TIAM1: variants seen among roughly 807,000 people sequenced by gnomAD.
The protein encoded by TIAM1 is rho guanine nucleotide exchange factor TIAM1.
Under a neutral mutation model 163.5 loss-of-function variants are expected in TIAM1, and 65 were observed. The ratio of observed to expected loss-of-function variants is 0.40; its 90% CI spans 0.33 to 0.49. TIAM1 has a LOEUF of 0.49. TIAM1 is among the 20% of genes least tolerant of loss of function. TIAM1 has a pLI of 0.77. For missense variants in TIAM1, 1,789 were observed against 2,044.7 expected, an observed-to-expected ratio of 0.87 and a Z score of 2.41; for synonymous variants, 833 against 810.1, an observed-to-expected ratio of 1.03 and a Z score of -0.48.
intron 1 of TIAM1, among the ~76,000 whole-genome samples, chr21:31,471,945 G>A (rs899016050): frequency 4.0e-5 from 6 of 149,074 alleles, no homozygotes; most frequent in African/African-American, 5.0e-5. Flanking sequence ...TGAGAGGGGC[G>A]GGAGCCTTGA....
intron 1 of TIAM1, among the ~76,000 whole-genome samples, chr21:31,477,240 C>A (rs554667046): frequency 6.6e-6 from 1 of 152,172 alleles, no homozygotes; most frequent in Non-Finnish European, 1.5e-5. Context: ...CAAGCGTAAT[C>A]ATAATTGGGC....
At chr21:31,331,865 T>C (rs1383253720) in intron 2 of TIAM1, among the ~76,000 whole-genome samples, 4 of 152,192 alleles carry the variant, frequency 2.6e-5, no homozygotes, top group African/African-American at 9.6e-5. Context: ...CACATTTCAA[T>C]ACCAACTTCA....
chr21:31,190,907 C>T (rs1289981189), intron 13 of TIAM1, among the ~76,000 whole-genome samples: 3 of 152,162 alleles, frequency 2.0e-5, no homozygotes, highest in African/African-American at 7.2e-5. Context: ...TGTGTTTGTG[C>T]CGGCAGCTTT....
intron 2 of TIAM1, among the ~76,000 whole-genome samples, chr21:31,460,631 C>T (rs1253865015): frequency 1.3e-5 from 2 of 151,982 alleles, no homozygotes; most frequent in African/African-American, 4.8e-5. Context: ...GTCTCAAAAA[C>T]AAAAATGAAA....
chr21:31,135,813 G>A lies in TIAM1; in HGVS notation c.3883+120C>T, dbSNP rs150235942. On this transcript the variant is annotated intron_variant, in intron 23 of 27. Transcript: ENST00000541036. ...TGTTGGTGGCTACGGCAGGAAGACC[G>A]ATTCAAGTAACTGCAATTAACTTTA... The A allele has an allele frequency of 1.0e-3, 903 of 882,802 alleles. 9 individuals carry two copies. In the African/African-American group the frequency reaches 0.013, roughly 13 times the overall value. The allele number at this position is 882,802 out of a possible 1,614,324, so 54.7% of individuals were successfully genotyped here.
chr21:31,178,303 C>CTTTTTTTTTTTTTT, intron 15 of TIAM1, among the ~76,000 whole-genome samples: 1 of 96,096 alleles, frequency 1.0e-5, no homozygotes, highest in Non-Finnish European at 1.9e-5. Flanking sequence ...TTCAGGAATT[C>CTTTTTTTTTTTTTT]TTTTTTTTTT....
chr21:31,439,539 G>A lies in TIAM1; in HGVS notation c.-369+24444C>T, dbSNP rs373877567. 1.3e-4 allele frequency among the ~76,000 whole-genome samples: 20 copies of A among 152,224 alleles called. No homozygotes were observed. In the East Asian group the frequency reaches 2.1e-3, roughly 16 times the overall value. ...TCCTGACCTCAAGTAATTCACCCGC[G>A]TTGGCCTCCCAAAGTGCTGGCATTA... On this transcript the variant is annotated intron_variant, in intron 2 of 28. Transcript: ENST00000286827.
chr21:31,185,597 C>A (rs2085263024), intron 14 of TIAM1, among the ~76,000 whole-genome samples: 1 of 138,598 alleles, frequency 7.2e-6, no homozygotes, highest in African/African-American at 2.7e-5. Flanking sequence ...TATTATATAT[C>A]ATATAGCTAT....
chr21:31,274,204 G>A (rs1422742228), intron 3 of TIAM1, among the ~76,000 whole-genome samples: 2 of 150,770 alleles, frequency 1.3e-5, no homozygotes, highest in African/African-American at 5.0e-5. Flanking sequence ...AATAGTGCGA[G>A]ACTCCTTCTC....
intron 4 of TIAM1, among the ~76,000 whole-genome samples, chr21:31,257,715 C>T (rs1370326439): frequency 6.6e-6 from 1 of 152,116 alleles, no homozygotes; most frequent in Admixed American, 6.6e-5. Flanking sequence ...CCCGGTGTCC[C>T]GCGTTAAAAC....
At position 31,483,004 on chromosome 21, in the gene TIAM1, GC is replaced by G. The variant is rs561790079; in HGVS notation, c.-421-18970del. The stretch of plus-strand genomic sequence containing the variant: ...GATACAGAGGCTCAGACACTAAGCA[GC>G]CTGCCCCAGGTCACACAGCTGGTAA... On this transcript the variant is annotated intron_variant, in intron 1 of 28. Transcript: ENST00000286827. Among the ~76,000 whole-genome samples the G allele has an allele frequency of 3.2e-3, 490 of 152,258 alleles. 2 individuals are homozygous for G. The highest frequency in any genetic ancestry group is 5.4e-3 in the Non-Finnish European group (365 of 68,030).
intron 2 of TIAM1, among the ~76,000 whole-genome samples, chr21:31,448,814 T>C (rs2044722710): frequency 6.6e-6 from 1 of 152,094 alleles, no homozygotes; most frequent in South Asian, 2.1e-4. Flanking sequence ...ATTATAGGCA[T>C]GGGTTTCGGG....
intron 2 of TIAM1, among the ~76,000 whole-genome samples, chr21:31,298,957 A>T (rs2074400261): frequency 6.6e-6 from 1 of 152,150 alleles, no homozygotes; most frequent in Admixed American, 6.6e-5. Flanking sequence ...GTGTTAAATA[A>T]ATGTTATCGG....
intron 2 of TIAM1, among the ~76,000 whole-genome samples, chr21:31,447,065 T>C (rs2044652060): frequency 6.6e-6 from 1 of 151,852 alleles, no homozygotes; most frequent in South Asian, 2.1e-4. Flanking sequence ...GGCCTTAAGG[T>C]AGGACAGGAT....
chr21:31,130,628 T>C (rs2082381747), intron 24 of TIAM1, among the ~76,000 whole-genome samples: 1 of 152,202 alleles, frequency 6.6e-6, no homozygotes, highest in African/African-American at 2.4e-5. Flanking sequence ...AGGAAGGTTC[T>C]GGGCCATGGC....
At chr21:31,316,973 G>T (rs2075145185) in intron 2 of TIAM1, among the ~76,000 whole-genome samples, 1 of 152,194 alleles carries the variant, frequency 6.6e-6, no homozygotes, top group Non-Finnish European at 1.5e-5. Flanking sequence ...AACCTACGTT[G>T]CTGTACCTCT....
chr21:31,127,404 G>A (rs2146219242), intron 25 of TIAM1, among the ~76,000 whole-genome samples: 1 of 149,826 alleles, frequency 6.7e-6, no homozygotes, highest in South Asian at 2.1e-4. Context: ...TCAATCATAT[G>A]GACCGAACTT....
At chr21:31,478,392 T>C (rs2046002986) in intron 1 of TIAM1, among the ~76,000 whole-genome samples, 1 of 152,186 alleles carries the variant, frequency 6.6e-6, no homozygotes, top group Non-Finnish European at 1.5e-5. Context: ...CAGAAACATG[T>C]AGAGTTAAAA....
chr21:31,155,669 T>TA (rs1361588294), intron 16 of TIAM1, among the ~76,000 whole-genome samples: 1 of 151,986 alleles, frequency 6.6e-6, no homozygotes, highest in Non-Finnish European at 1.5e-5. Flanking sequence ...CACGCCCGGC[T>TA]ATTTTTTTGT....
Sources: gnomAD v4.1 joint callset for allele counts (sites outside exome capture counted in the v4.1 genomes callset) on GRCh38, gnomAD v4.1.1 for gene constraint, MANE v1.5 for transcripts, NCBI Gene and HGNC (gene_info 2026-07-23, HGNC 2026-07-21) for gene names.